The following RRAGB variants were observed in gnomAD, a reference collection of about 807,000 sequenced individuals.
RRAGB encodes the protein Ras related GTP binding B.
RRAGB carries 6 observed loss-of-function variants against 29.3 expected under a neutral mutation model. That is an observed-to-expected ratio of 0.21 (90% CI 0.11 to 0.40). The LOEUF (loss-of-function observed/expected upper bound fraction) is 0.40. Among genes scored for constraint, RRAGB ranks in the 10% least tolerant of loss-of-function variants. The pLI is 1.00. For missense variants in RRAGB, 184 were observed against 272.9 expected (o/e 0.67, Z 2.29); for synonymous variants, 101 against 92.5 (o/e 1.09, Z -0.53).
chrX:55,755,308 A>G (rs1347331002), intron 7 of RRAGB: 1 of 752,963 alleles, frequency 1.3e-6, no homozygotes, highest in East Asian at 1.5e-4. Context: ...AAAGTTAGAA[A>G]AAGTATTTTC....
intron 5 of RRAGB, among the ~76,000 whole-genome samples, chrX:55,747,473 C>T (rs1332637085): frequency 9.0e-6 from 1 of 111,418 alleles, no homozygotes; most frequent in Admixed American, 9.5e-5. Context: ...ACTTTGTGGT[C>T]GTTTATAAAG....
At chrX:55,742,279 C>G (rs1303892355) in intron 5 of RRAGB, among the ~76,000 whole-genome samples, 2 of 112,422 alleles carry the variant, frequency 1.8e-5, no homozygotes, top group Admixed American at 1.9e-4. Flanking sequence ...GTCTTTATAA[C>G]TGCCTTATTC....
At chrX:55,749,356 G>A (rs1477138632) in intron 5 of RRAGB, among the ~76,000 whole-genome samples, 1 of 98,834 alleles carries the variant, frequency 1.0e-5, no homozygotes, top group Non-Finnish European at 2.1e-5. Context: ...CCATCCGGGA[G>A]GGAGGTGGGG....
At chrX:55,756,539 C>T (rs1044112646) in intron 8 of RRAGB, among the ~76,000 whole-genome samples, 1 of 112,182 alleles carries the variant, frequency 8.9e-6, no homozygotes, top group African/African-American at 3.2e-5. Flanking sequence ...TGCCTTAGCA[C>T]ACTTTGAGAC....
intron 3 of RRAGB, among the ~76,000 whole-genome samples, chrX:55,723,601 A>G (rs762267365): frequency 8.8e-4 from 96 of 109,451 alleles, no homozygotes; most frequent in African/African-American, 2.8e-3. Flanking sequence ...TCTGTCATCC[A>G]GGCTGGAGTG....
chrX:55,728,450 G>T (rs1420767271), intron 3 of RRAGB, among the ~76,000 whole-genome samples: 2 of 111,196 alleles, frequency 1.8e-5, no homozygotes, highest in African/African-American at 3.3e-5. Flanking sequence ...GGTTTGGGAG[G>T]ACTGTGAATA....
chrX:55,726,132 C>G (rs1330316130), intron 3 of RRAGB, among the ~76,000 whole-genome samples: 1 of 76,158 alleles, frequency 1.3e-5, no homozygotes, highest in Non-Finnish European at 2.7e-5. Context: ...TTACAGGTCC[C>G]AGGGATTAAG....
In RRAGB at chrX:55,737,652, C is replaced by T. The variant is rs186272635; in HGVS notation, c.516+6066C>T. On this transcript the variant is annotated intron_variant, in intron 5 of 9. Transcript: ENST00000374941. ...GGTTTCTTTTGTCCCACAGGGTGCT[C>T]CCTTGATGTGGTGCACTCCCTGTTC... 3.4e-3 allele frequency among the ~76,000 whole-genome samples: 382 copies of T among 112,609 alleles called. 3 individuals are homozygous for T. Among genetic ancestry groups the T allele is most frequent in the African/African-American group, 0.012 (369 of 31,014 alleles).
At chrX:55,726,115 C>T (rs1006376256) in intron 3 of RRAGB, among the ~76,000 whole-genome samples, 1 of 100,236 alleles carries the variant, frequency 1.0e-5, no homozygotes. Flanking sequence ...AACAGAAGAG[C>T]GATATTTTAC....
intron 8 of RRAGB, 96 bp from the exon 9 acceptor site, chrX:55,757,112 GTATAGTGC>G (rs1344199571): frequency 2.7e-6 from 1 of 366,480 alleles, no homozygotes; most frequent in Non-Finnish European, 4.9e-6. Flanking sequence ...GTGAATTGAG[GTATAGTGC>G]TATACCTCAA....
chrX:55,732,090 C>T (rs894176200), intron 5 of RRAGB, among the ~76,000 whole-genome samples: 1 of 112,344 alleles, frequency 8.9e-6, no homozygotes, highest in Non-Finnish European at 1.9e-5. Flanking sequence ...CAAATTTAAA[C>T]CAGAGAAGGC....
At position 55,731,562 on chromosome X, in the gene RRAGB, G is replaced by T; in HGVS notation, c.492G>T (p.Leu164=). The change falls in exon 5 of 10, where the codon CTG becomes CTT. Residue 164 remains leucine, a synonymous_variant. Coordinates refer to ENST00000374941, the MANE Select transcript of RRAGB (RefSeq NM_006064.5). The part of the protein sequence containing the change: ...KIFCLVHKMD[L]VQEDQRDLIF... ...TTTGCTTGGTACACAAAATGGATCT[G>T]GTACAGGAGGATCAACGGGACCTGG... is the stretch of plus-strand genomic sequence containing the variant. 1 of 1,197,973 alleles carries T rather than the reference G, an allele frequency of 8.3e-7. No homozygotes were observed. Among genetic ancestry groups the T allele is most frequent in the African/African-American group, 1.7e-5 (1 of 57,449 alleles).
At chrX:55,743,046 A>G (rs1481275124) in intron 5 of RRAGB, among the ~76,000 whole-genome samples, 1 of 111,564 alleles carries the variant, frequency 9.0e-6, no homozygotes, top group Non-Finnish European at 1.9e-5. Context: ...TCTAATTAAA[A>G]CAAAACAAAA....
intron 5 of RRAGB, among the ~76,000 whole-genome samples, chrX:55,746,342 G>T (rs962175728): frequency 1.8e-5 from 2 of 111,637 alleles, no homozygotes; most frequent in Non-Finnish European, 3.8e-5. Flanking sequence ...AGGTCTCTAC[G>T]AGTCAGACTA....
chrX:55,736,928 G>A (rs2033885138), intron 5 of RRAGB, among the ~76,000 whole-genome samples: 1 of 112,219 alleles, frequency 8.9e-6, no homozygotes, highest in Non-Finnish European at 1.9e-5. Flanking sequence ...AAAATATACT[G>A]GGGAAAAAAA....
At chrX:55,745,140 T>A (rs1409858679) in intron 5 of RRAGB, among the ~76,000 whole-genome samples, 1 of 112,450 alleles carries the variant, frequency 8.9e-6, no homozygotes, top group Non-Finnish European at 1.9e-5. Context: ...CCAGTAAGTC[T>A]AATGTAGTTG....
At chrX:55,743,610 C>A (rs2034151620) in intron 5 of RRAGB, among the ~76,000 whole-genome samples, 1 of 112,751 alleles carries the variant, frequency 8.9e-6, no homozygotes, top group Non-Finnish European at 1.9e-5. Flanking sequence ...TATTAAAATC[C>A]TCTTCTGCTG....
intron 7 of RRAGB, chrX:55,755,502 G>A: frequency 1.4e-6 from 1 of 733,246 alleles, no homozygotes; most frequent in Non-Finnish European, 1.6e-6. Flanking sequence ...TTTTCTTTTT[G>A]ATTGATACTT....
At chrX:55,726,151 T>TAAAAA (rs58255567) in intron 3 of RRAGB, among the ~76,000 whole-genome samples, 1 of 103,519 alleles carries the variant, frequency 9.7e-6, no homozygotes. Flanking sequence ...AGGAAAATGT[T>TAAAAA]AAAAAAAAAA....
Sources: allele counts gnomAD v4.1 joint callset (sites outside exome capture counted in the v4.1 genomes callset), GRCh38; gene constraint gnomAD v4.1.1; transcripts MANE v1.5; gene names NCBI Gene and HGNC (gene_info 2026-07-23, HGNC 2026-07-21).